HS6ST3: variants seen among roughly 807,000 people sequenced by gnomAD.
The protein encoded by HS6ST3 is heparan-sulfate 6-O-sulfotransferase 3.
Under a neutral mutation model 36.7 loss-of-function variants are expected in HS6ST3, and 12 were observed. The observed-to-expected ratio is 0.33, with a 90% CI of 0.21 to 0.53. HS6ST3 has a LOEUF of 0.53. HS6ST3 is among the 20% of genes least tolerant of loss of function. The probability of loss-of-function intolerance (pLI) is 0.95; values close to 1 mark genes in which losing one functional copy is unlikely to be tolerated. For synonymous variants in HS6ST3, 240 were observed against 257.5 expected, an observed-to-expected ratio of 0.93 and a Z score of 0.65; for missense variants, 584 against 640.9, an observed-to-expected ratio of 0.91 and a Z score of 0.96.
intron 1 of HS6ST3, among the ~76,000 whole-genome samples, chr13:96,388,880 G>A (rs980973716): frequency 6.6e-6 from 1 of 152,112 alleles, no homozygotes; most frequent in Non-Finnish European, 1.5e-5. Context: ...GTTTTCTGAG[G>A]CCTCCCCAGT....
chr13:96,748,606 T>C (rs906176973), intron 1 of HS6ST3, among the ~76,000 whole-genome samples: 3 of 152,062 alleles, frequency 2.0e-5, no homozygotes, highest in African/African-American at 7.2e-5. Flanking sequence ...TGTATACTTT[T>C]CCATAAATGT....
intron 1 of HS6ST3, among the ~76,000 whole-genome samples, chr13:96,355,635 A>G (rs2055206691): frequency 6.6e-6 from 1 of 152,182 alleles, no homozygotes; most frequent in South Asian, 2.1e-4. Flanking sequence ...AATGATAATT[A>G]TCATCTGAGC....
chr13:96,174,167 A>C (rs887542149), intron 1 of HS6ST3, among the ~76,000 whole-genome samples: 2 of 152,152 alleles, frequency 1.3e-5, no homozygotes, highest in African/African-American at 4.8e-5. Context: ...AAAAAATTCT[A>C]AGCATACAGA....
At chr13:96,631,980 A>G (rs938033482) in intron 1 of HS6ST3, among the ~76,000 whole-genome samples, 2 of 152,128 alleles carry the variant, frequency 1.3e-5, no homozygotes, top group Non-Finnish European at 2.9e-5. Context: ...TGGACTTGCT[A>G]TGGTTTGAAT....
At chr13:96,549,073 C>A (rs2056208893) in intron 1 of HS6ST3, among the ~76,000 whole-genome samples, 1 of 152,202 alleles carries the variant, frequency 6.6e-6, no homozygotes, top group Non-Finnish European at 1.5e-5. Flanking sequence ...TTCAGCCATT[C>A]CTCATACGGT....
intron 1 of HS6ST3, among the ~76,000 whole-genome samples, chr13:96,767,523 T>G (rs566619576): frequency 6.6e-6 from 1 of 152,308 alleles, no homozygotes; most frequent in African/African-American, 2.4e-5. Flanking sequence ...TCTTCCTCAT[T>G]TGTAACCTGT....
intron 1 of HS6ST3, among the ~76,000 whole-genome samples, chr13:96,465,593 A>C (rs1396912292): frequency 1.3e-5 from 2 of 152,188 alleles, no homozygotes; most frequent in Non-Finnish European, 2.9e-5. Context: ...TGTTAGACTC[A>C]TGGAGAGAGA....
chr13:96,300,920 A>G (rs973722262), intron 1 of HS6ST3, among the ~76,000 whole-genome samples: 4 of 152,246 alleles, frequency 2.6e-5, no homozygotes, highest in Admixed American at 2.6e-4. Context: ...CAGAAGTACC[A>G]TTAGAAGGAA....
intron 1 of HS6ST3, among the ~76,000 whole-genome samples, chr13:96,591,170 C>G (rs1005952868): frequency 6.6e-6 from 1 of 151,958 alleles, no homozygotes; most frequent in Non-Finnish European, 1.5e-5. Flanking sequence ...ATAGCTTTGA[C>G]TATTCTGAGT....
At chr13:96,218,433 G>A (rs1296123796) in intron 1 of HS6ST3, among the ~76,000 whole-genome samples, 2 of 152,190 alleles carry the variant, frequency 1.3e-5, no homozygotes, top group African/African-American at 4.8e-5. Flanking sequence ...GGAAAGACCT[G>A]GAGGGGCAGG....
chr13:96,351,320 C>CTTTTTTTTTT (rs11348541), intron 1 of HS6ST3, among the ~76,000 whole-genome samples: 1 of 143,152 alleles, frequency 7.0e-6, no homozygotes. Flanking sequence ...AGGTGGCAGT[C>CTTTTTTTTTT]TTTTTTTTTT....
chr13:96,615,131 G>A (rs1317590791), intron 1 of HS6ST3, among the ~76,000 whole-genome samples: 1 of 152,010 alleles, frequency 6.6e-6, no homozygotes, highest in East Asian at 1.9e-4. Flanking sequence ...AGTAATTGTG[G>A]TTTTTGCTAT....
At chr13:96,280,875 A>G (rs1397203880) in intron 1 of HS6ST3, among the ~76,000 whole-genome samples, 3 of 152,178 alleles carry the variant, frequency 2.0e-5, no homozygotes, top group African/African-American at 7.2e-5. Context: ...TGTAAAACAA[A>G]TGCTAATTTC....
At chr13:96,625,980 G>A (rs2138997806) in intron 1 of HS6ST3, among the ~76,000 whole-genome samples, 1 of 150,178 alleles carries the variant, frequency 6.7e-6, no homozygotes, top group Non-Finnish European at 1.5e-5. Flanking sequence ...GGGACTACAG[G>A]CGCCTGCCAC....
intron 1 of HS6ST3, among the ~76,000 whole-genome samples, chr13:96,690,426 T>C (rs1874924335): frequency 6.6e-6 from 1 of 152,142 alleles, no homozygotes; most frequent in African/African-American, 2.4e-5. Context: ...ATTGCATGAC[T>C]CTCTTCTGAT....
At chr13:96,521,397 A>G (rs1025903287) in intron 1 of HS6ST3, among the ~76,000 whole-genome samples, 1 of 151,960 alleles carries the variant, frequency 6.6e-6, no homozygotes, top group African/African-American at 2.4e-5. Context: ...CTCTTTTTCT[A>G]TTGATTGGAA....
chr13:96,180,323 G>A (rs1200642881), intron 1 of HS6ST3, among the ~76,000 whole-genome samples: 1 of 151,756 alleles, frequency 6.6e-6, no homozygotes, highest in Non-Finnish European at 1.5e-5. Context: ...CTCCATATTA[G>A]CCAGTTTTTC....
intron 1 of HS6ST3, among the ~76,000 whole-genome samples, chr13:96,130,865 CTCT>C (rs60602414): frequency 0.82 from 124,148 of 151,732 alleles, 51,169 homozygotes; most frequent in East Asian, 0.92. Flanking sequence ...GATTTTCAAC[CTCT>C]TCTTCTCTGA....
chr13:96,739,691 A>G (rs1044578125), intron 1 of HS6ST3, among the ~76,000 whole-genome samples: 3 of 152,030 alleles, frequency 2.0e-5, no homozygotes, highest in African/African-American at 7.2e-5. Context: ...TGACCATATA[A>G]TTGCAATGCT....
Sources: gnomAD v4.1 joint callset for allele counts (sites outside exome capture counted in the v4.1 genomes callset) on GRCh38, gnomAD v4.1.1 for gene constraint, MANE v1.5 for transcripts, NCBI Gene and HGNC (gene_info 2026-07-23, HGNC 2026-07-21) for gene names.